Variants in SHTN1 observed in about 807,000 individuals in gnomAD.
The protein encoded by SHTN1 is shootin 1.
In SHTN1, 42 loss-of-function variants were observed where a neutral mutation model predicts 83.1. That is an observed-to-expected ratio of 0.51 (90% CI 0.39 to 0.65). The LOEUF (loss-of-function observed/expected upper bound fraction) is 0.65. Ranked by LOEUF, SHTN1 falls within the 30% of genes least tolerant of loss-of-function variation. The probability of loss-of-function intolerance (pLI) is 0.00; values close to 1 mark genes in which losing one functional copy is unlikely to be tolerated. For missense variants in SHTN1, 622 were observed against 737.8 expected, an observed-to-expected ratio of 0.84 and a Z score of 1.82; for synonymous variants, 224 against 247.7, an observed-to-expected ratio of 0.90 and a Z score of 0.90.
intron 13 of SHTN1, among the ~76,000 whole-genome samples, chr10:116,914,687 A>G (rs1356904167): frequency 3.4e-4 from 51 of 152,082 alleles, no homozygotes; most frequent in Admixed American, 3.3e-3. Flanking sequence ...AGTATTTTTC[A>G]AGAACAATGT....
chr10:116,915,339 A>G, intron 13 of SHTN1, 36 bp downstream of exon 13: 3 of 1,100,708 alleles, frequency 2.7e-6, no homozygotes, highest in Non-Finnish European at 4.1e-6. Flanking sequence ...AAAAGGAAAT[A>G]TCAAACAGGG....
intron 12 of SHTN1, among the ~76,000 whole-genome samples, chr10:116,920,418 G>A (rs955468504): frequency 6.6e-6 from 1 of 152,004 alleles, no homozygotes; most frequent in South Asian, 2.1e-4. Flanking sequence ...TGTATATCTC[G>A]ATCTCCAATG....
chr10:117,082,481 G>A (rs1853285931), intron 1 of SHTN1, among the ~76,000 whole-genome samples: 1 of 151,638 alleles, frequency 6.6e-6, no homozygotes, highest in Non-Finnish European at 1.5e-5. Context: ...TGGAATAGGT[G>A]TGGTGTGGTG....
chr10:117,030,830 TA>T (rs776598955), intron 2 of SHTN1, among the ~76,000 whole-genome samples: 2 of 151,476 alleles, frequency 1.3e-5, no homozygotes, highest in African/African-American at 2.4e-5. Flanking sequence ...GGAAAAAGAA[TA>T]AAAAACAATA....
rs186267232 is a variant in SHTN1 at position 116,901,857 on chromosome 10, C to T, written c.1581G>A (p.Glu527=). Reference sequence around the variant, plus strand: ...GGGGGGACGGGCTGTTGAATTCTGCCTCCAGAGTTTTCTTGTTCAAGGCTG... The same window carrying T: ...GGGGGGACGGGCTGTTGAATTCTGCTTCCAGAGTTTTCTTGTTCAAGGCTG... ...TKTALNKKTL[E]AEFNSPSPPT... Residue 527 remains glutamate (E), a synonymous_variant, in exon 16 of 17, where the codon GAG becomes GAA. Coordinates refer to ENST00000355371, the MANE Select transcript of SHTN1 (RefSeq NM_001127211.3). 8.1e-6 allele frequency: 13 copies of T among 1,606,724 alleles called. No individual in the cohort carries two copies. In the African/African-American group the frequency reaches 1.5e-4, roughly 18 times the overall value.
chr10:117,020,364 T>C (rs1231260482), intron 2 of SHTN1, among the ~76,000 whole-genome samples: 2 of 150,852 alleles, frequency 1.3e-5, no homozygotes, highest in Non-Finnish European at 3.0e-5. Flanking sequence ...CCAGGCATGG[T>C]GACACGCGCC....
Position 116,911,858 on chromosome 10 carries a change from A to C in SHTN1, c.1306-15T>G. 6.2e-7 allele frequency: 1 copy of C among 1,600,266 alleles called. No individual in the cohort carries two copies. Among genetic ancestry groups the C allele is most frequent in the East Asian group, 2.2e-5 (1 of 44,780 alleles). On this transcript the variant is annotated splice_polypyrimidine_tract_variant and intron_variant, in intron 13 of 16. Coordinates refer to ENST00000355371, the MANE Select transcript of SHTN1 (RefSeq NM_001127211.3). ...GAAGATTCTGGCTATAATTTTAATA[A>C]GAAAGAAAAATCACTGAGTAATTCA...
At chr10:116,889,721 G>C (rs1435517541) in intron 16 of SHTN1, among the ~76,000 whole-genome samples, 1 of 152,178 alleles carries the variant, frequency 6.6e-6, no homozygotes, top group Non-Finnish European at 1.5e-5. Context: ...TCTTCTCCTA[G>C]AAACAGGAGG....
intron 1 of SHTN1, among the ~76,000 whole-genome samples, chr10:117,088,099 G>T (rs910358766): frequency 1.3e-5 from 2 of 152,186 alleles, no homozygotes; most frequent in Non-Finnish European, 2.9e-5. Flanking sequence ...ATATGAATGT[G>T]CTCCAGTGTA....
At chr10:117,077,451 A>T (rs1472437341) in intron 1 of SHTN1, among the ~76,000 whole-genome samples, 11 of 152,040 alleles carry the variant, frequency 7.2e-5, no homozygotes. Context: ...CAATCACCAA[A>T]ATCTTTTTTT....
At chr10:117,032,267 G>A (rs777161631) in intron 2 of SHTN1, among the ~76,000 whole-genome samples, 1 of 152,002 alleles carries the variant, frequency 6.6e-6, no homozygotes, top group African/African-American at 2.4e-5. Flanking sequence ...GCAGTGGCGC[G>A]ATCTTGGCTC....
chr10:116,899,826 T>TA (rs1340462105), intron 16 of SHTN1, among the ~76,000 whole-genome samples: 1 of 152,206 alleles, frequency 6.6e-6, no homozygotes, highest in African/African-American at 2.4e-5. Flanking sequence ...GTGGTTAGTG[T>TA]AACAGAGTAC....
intron 1 of SHTN1, among the ~76,000 whole-genome samples, chr10:117,118,676 A>G (rs1056448961): frequency 6.6e-6 from 1 of 152,222 alleles, no homozygotes; most frequent in Admixed American, 6.5e-5. Context: ...ATTAGTGGAT[A>G]AAGAAAATGT....
intron 2 of SHTN1, among the ~76,000 whole-genome samples, chr10:117,017,315 C>T (rs1017670332): frequency 2.6e-5 from 4 of 151,808 alleles, no homozygotes. Context: ...CACGGTGAAA[C>T]CCCATCTCTA....
intron 1 of SHTN1, among the ~76,000 whole-genome samples, chr10:117,050,773 C>T (rs1852728502): frequency 6.6e-6 from 1 of 151,968 alleles, no homozygotes; most frequent in Admixed American, 6.6e-5. Flanking sequence ...GGTGACACAG[C>T]CCAGGCTTGG....
chr10:117,007,828 C>T (rs1368573438), upstream of SHTN1, among the ~76,000 whole-genome samples: 2 of 151,694 alleles, frequency 1.3e-5, no homozygotes, highest in East Asian at 1.9e-4. Flanking sequence ...CTGGCTAACA[C>T]GGTGAAACCC....
rs117862417 is a variant in SHTN1 at position 116,951,678 on chromosome 10, T to A, written c.534+231A>T. Among the ~76,000 whole-genome samples the A allele has an allele frequency of 3.6e-3, 546 of 152,364 alleles. 2 individuals are homozygous for A. Among genetic ancestry groups the A allele is most frequent in the Middle Eastern group, 6.8e-3 (2 of 294 alleles). ...AAAACTGGGGGAACAACAGGAAACA[T>A]GTCCATGCTATTTCAGAATTTTATT... On this transcript the variant is annotated intron_variant, in intron 6 of 16. Transcript: ENST00000355371.
intron 16 of SHTN1, chr10:116,900,508 G>A: frequency 6.7e-7 from 1 of 1,500,748 alleles, no homozygotes; most frequent in Non-Finnish European, 9.0e-7. Flanking sequence ...ACAAAAGGAG[G>A]AAGGAGTTGC....
At position 117,005,090 on chromosome 10, in the gene SHTN1, G is replaced by A; in HGVS notation, c.-11C>T. ...GTCCGAGCTGTTCATTTTGGCGGGTGGGGCCGGGAATAAAAGGGAAAGAGG... is the reference window on the plus strand; with the variant it reads ...GTCCGAGCTGTTCATTTTGGCGGGTAGGGCCGGGAATAAAAGGGAAAGAGG... On this transcript the variant is annotated 5_prime_UTR_variant, in exon 1 of 17. Transcript: ENST00000355371. 6.3e-7 allele frequency: 1 copy of A among 1,590,188 alleles called. No homozygotes were observed. Among genetic ancestry groups the A allele is most frequent in the Non-Finnish European group, 8.6e-7 (1 of 1,168,354 alleles).
Sources: allele counts gnomAD v4.1 joint callset (sites outside exome capture counted in the v4.1 genomes callset), GRCh38; gene constraint gnomAD v4.1.1; transcripts MANE v1.5; gene names NCBI Gene and HGNC (gene_info 2026-07-23, HGNC 2026-07-21).